ZNF735: variants seen among roughly 807,000 people sequenced by gnomAD.
ZNF735 encodes the protein zinc finger protein 735, also known as putative zinc finger protein 735.
Under a neutral mutation model 13.4 loss-of-function variants are expected in ZNF735, and 11 were observed. The ratio of observed to expected loss-of-function variants is 0.82; its 90% CI spans 0.52 to 1.36. The LOEUF (loss-of-function observed/expected upper bound fraction) is 1.36. Ranked by LOEUF, ZNF735 falls within the 40% of genes most tolerant of loss-of-function variation. The pLI is 0.00. For synonymous variants in ZNF735, 171 were observed against 162.6 expected (o/e 1.05, Z -0.39); for missense variants, 500 against 484.6 (o/e 1.03, Z -0.30).
At chr7:64,208,157 T>G (rs1374283458) in intron 1 of ZNF735, among the ~76,000 whole-genome samples, 1 of 151,926 alleles carries the variant, frequency 6.6e-6, no homozygotes, top group South Asian at 2.1e-4. Flanking sequence ...AGGTGAAAAT[T>G]TATTGGTTAT....
At position 64,213,993 on chromosome 7, in the gene ZNF735, T is replaced by G. The variant is rs1787390504; in HGVS notation, c.167-20T>G. 1.3e-6 allele frequency: 2 copies of G among 1,569,588 alleles called. No homozygotes were observed. The highest frequency in any genetic ancestry group is 1.2e-5 in the South Asian group (1 of 86,488). On this transcript the variant is annotated intron_variant, in intron 2 of 3. Coordinates refer to ENST00000429565, the Ensembl canonical transcript of ZNF735. ...ATAAATAAATAAGATTTAAGTTACTTTTTTTTCTTAATAAAACAGGTATGA... is the reference window on the plus strand; with the variant it reads ...ATAAATAAATAAGATTTAAGTTACTGTTTTTTCTTAATAAAACAGGTATGA...
intron 1 of ZNF735, among the ~76,000 whole-genome samples, chr7:64,212,791 G>GA (rs397733091): frequency 0.33 from 41,036 of 125,300 alleles, 5,839 homozygotes; most frequent in East Asian, 0.48. Flanking sequence ...ACTTGGTAAA[G>GA]AAAAAAAAAA....
intron 3 of ZNF735, among the ~76,000 whole-genome samples, chr7:64,218,518 A>C (rs903052232): frequency 1.3e-5 from 2 of 151,080 alleles, no homozygotes; most frequent in African/African-American, 4.9e-5. Context: ...TTATTATTCC[A>C]ACCATTTTGT....
exon 4 of ZNF735, chr7:64,220,224 G>A (rs753469578): frequency 9.3e-6 from 15 of 1,612,640 alleles, no homozygotes; most frequent in Admixed American, 6.7e-5. Flanking sequence ...AAGCTTTTAA[G>A]TGGCATTCAA....
exon 4 of ZNF735, chr7:64,219,894 C>G (rs1167777547): frequency 1.2e-6 from 2 of 1,613,744 alleles, no homozygotes; most frequent in Non-Finnish European, 1.7e-6. Flanking sequence ...TTAGGCGCTC[C>G]TCAACACTTA....
rs186826355 is a variant in ZNF735, at chr7:64,214,041, C to T, written c.195C>T (p.Ile65=). The stretch of plus-strand genomic sequence containing the variant: ...TGACTGTCTCTAAGCCAGACTTGAT[C>T]GCCTGTCTGGAGCAAAATAAAGAGC... The change falls in exon 3 of 4, where the codon ATC becomes ATT. Residue 65 remains isoleucine, a synonymous_variant. Coordinates refer to ENST00000429565, the Ensembl canonical transcript of ZNF735. The T allele has an allele frequency of 1.2e-3, 1,843 of 1,599,442 alleles. 1 individual carries two copies. The highest frequency in any genetic ancestry group is 1.4e-3 in the Non-Finnish European group (1,596 of 1,178,774).
At chr7:64,209,831 G>C (rs1280163368) in intron 1 of ZNF735, among the ~76,000 whole-genome samples, 2 of 152,114 alleles carry the variant, frequency 1.3e-5, no homozygotes, top group African/African-American at 4.8e-5. Context: ...TGCCTTAGCT[G>C]TAACCCTGAG....
rs1385785428 is a variant in ZNF735 at position 64,219,702 on chromosome 7, ATG to A, written c.654_655del (p.Cys218TrpfsTer5). On this transcript the variant is annotated frameshift_variant, in exon 4 of 4. Transcript: ENST00000429565. LOFTEE classifies it low-confidence loss of function (END_TRUNC). ...AGGAGAAGTCCTACAAATGTGAAGA[ATG>A]TGGCAAATCCTTTAACCACTCCTCA... The A allele has an allele frequency of 5.7e-6, 9 of 1,591,132 alleles. No individual in the cohort carries two copies. The Admixed American group carries it at 1.6e-4, about 29-fold the overall frequency.
At chr7:64,212,839 C>A (rs1191314883) in intron 1 of ZNF735, among the ~76,000 whole-genome samples, 1 of 151,606 alleles carries the variant, frequency 6.6e-6, no homozygotes, top group Non-Finnish European at 1.5e-5. Flanking sequence ...CATGTTGATG[C>A]CCTTAATTTT....
chr7:64,219,789 T>C, exon 4 of ZNF735: 1 of 1,612,402 alleles, frequency 6.2e-7, no homozygotes. Context: ...GTGAGGAATG[T>C]GGCAAAGCCT....
chr7:64,209,432 C>T (rs1201930963), intron 1 of ZNF735, among the ~76,000 whole-genome samples: 2 of 151,170 alleles, frequency 1.3e-5, no homozygotes, highest in East Asian at 3.9e-4. Context: ...CTGCAACCTT[C>T]GCCTTCCATT....
intron 1 of ZNF735, among the ~76,000 whole-genome samples, chr7:64,212,243 A>C (rs965377987): frequency 3.3e-5 from 5 of 152,200 alleles, no homozygotes; most frequent in Non-Finnish European, 5.9e-5. Flanking sequence ...CAGGTGAGAG[A>C]AACTGGGGAA....
chr7:64,217,769 T>C (rs534114311), intron 3 of ZNF735, among the ~76,000 whole-genome samples: 45 of 152,158 alleles, frequency 3.0e-4, no homozygotes, highest in African/African-American at 1.1e-3. Flanking sequence ...CATTGGAGAT[T>C]TTATAAAACC....
At chr7:64,218,362 A>G (rs1787446311) in intron 3 of ZNF735, among the ~76,000 whole-genome samples, 1 of 150,506 alleles carries the variant, frequency 6.6e-6, no homozygotes, top group East Asian at 2.0e-4. Flanking sequence ...CTGGTTTGTG[A>G]TTTTTGAAAC....
intron 3 of ZNF735, among the ~76,000 whole-genome samples, chr7:64,217,615 T>A (rs772606020): frequency 3.4e-4 from 52 of 152,146 alleles, no homozygotes; most frequent in Admixed American, 4.6e-4. Flanking sequence ...ATGTTATATA[T>A]GCATATGCAT....
At chr7:64,219,635 G>A (rs1324875539) in exon 4 of ZNF735, 9 of 1,579,352 alleles carry the variant, frequency 5.7e-6, no homozygotes, top group East Asian at 2.3e-5. Flanking sequence ...AAATCATTTT[G>A]CATGTTTTCA....
intron 2 of ZNF735, 47 bp downstream of exon 2, chr7:64,213,265 C>A (rs1787382272): frequency 2.0e-6 from 3 of 1,527,200 alleles, no homozygotes; most frequent in Non-Finnish European, 2.6e-6. Context: ...GCCGTTCTCT[C>A]TTTTCTAAGA....
chr7:64,210,715 A>T (rs970127722), intron 1 of ZNF735, among the ~76,000 whole-genome samples: 12 of 151,950 alleles, frequency 7.9e-5, no homozygotes, highest in Non-Finnish European at 1.3e-4. Flanking sequence ...AAAGAAACTT[A>T]TATTTTATTA....
intron 1 of ZNF735, among the ~76,000 whole-genome samples, chr7:64,211,890 A>G (rs796613130): frequency 1.0e-5 from 1 of 96,514 alleles, no homozygotes; most frequent in African/African-American, 4.3e-5. Context: ...AAAGAAAAAA[A>G]ATATATATAT....
Sources: gnomAD v4.1 joint callset for allele counts (sites outside exome capture counted in the v4.1 genomes callset) on GRCh38, gnomAD v4.1.1 for gene constraint, MANE v1.5 for transcripts, NCBI Gene and HGNC (gene_info 2026-07-23, HGNC 2026-07-21) for gene names.